CEP57L1: variants seen among roughly 807,000 people sequenced by gnomAD.
The protein encoded by CEP57L1 is centrosomal protein CEP57L1.
CEP57L1 carries 37 observed loss-of-function variants against 61.0 expected under a neutral mutation model. The observed-to-expected ratio is 0.61, with a 90% CI of 0.47 to 0.80. The LOEUF is 0.80. CEP57L1 is among the 30% of genes least tolerant of loss of function. The pLI, the probability that CEP57L1 is intolerant of heterozygous loss-of-function variation, is 0.00. For missense variants in CEP57L1, 422 were observed against 524.7 expected (o/e 0.80, Z 1.91); for synonymous variants, 137 against 162.3 (o/e 0.84, Z 1.19).
At chr6:109,123,178 A>G (rs568855984) in intron 1 of CEP57L1, among the ~76,000 whole-genome samples, 30 of 152,208 alleles carry the variant, frequency 2.0e-4, no homozygotes, top group African/African-American at 6.5e-4. Context: ...GCTGCCATCT[A>G]TGTATATTGA....
Position 109,107,105 on chromosome 6 carries a change from C to T in CEP57L1, c.-4+11530C>T, listed in dbSNP as rs116756892. Among the ~76,000 whole-genome samples, 1,264 of 152,312 alleles carry T rather than the reference C, an allele frequency of 8.3e-3. 23 individuals are homozygous for T. The highest frequency in any genetic ancestry group is 0.029 in the African/African-American group (1,213 of 41,580). On this transcript the variant is annotated intron_variant, in intron 1 of 10. Transcript: ENST00000517392. ...TCAGATACTTAAGCAATTATCAAAA[C>T]AGACCCTCAATTCTAATAAGCAGTA... is the stretch of plus-strand genomic sequence containing the variant.
intron 1 of CEP57L1, among the ~76,000 whole-genome samples, chr6:109,098,757 T>C (rs1440335455): frequency 6.6e-6 from 1 of 152,112 alleles, no homozygotes; most frequent in Non-Finnish European, 1.5e-5. Context: ...CCTCCCAAAG[T>C]GCTGAGATTA....
At chr6:109,099,754 T>TG (rs1782151773) in intron 1 of CEP57L1, among the ~76,000 whole-genome samples, 1 of 152,138 alleles carries the variant, frequency 6.6e-6, no homozygotes, top group African/African-American at 2.4e-5. Flanking sequence ...TTCACCATGT[T>TG]GGGCAGGATG....
intron 1 of CEP57L1, among the ~76,000 whole-genome samples, chr6:109,120,368 A>T (rs1772808588): frequency 1.3e-5 from 2 of 152,210 alleles, no homozygotes; most frequent in African/African-American, 4.8e-5. Flanking sequence ...CTTTTTCTGC[A>T]TTGGCTGCCA....
intron 7 of CEP57L1, 166 bp from the exon 8 acceptor site, chr6:109,158,858 CT>C: frequency 1.6e-6 from 1 of 644,390 alleles, no homozygotes; most frequent in South Asian, 2.0e-5. Flanking sequence ...TGTTGAATAT[CT>C]TTTCGTATGT....
intron 1 of CEP57L1, among the ~76,000 whole-genome samples, chr6:109,102,332 C>G (rs1320035050): frequency 6.6e-6 from 1 of 152,174 alleles, no homozygotes; most frequent in East Asian, 1.9e-4. Flanking sequence ...GTAGCTAGAA[C>G]TACAGGCATG....
At chr6:109,106,249 T>G (rs1478045743) in intron 1 of CEP57L1, among the ~76,000 whole-genome samples, 1 of 152,186 alleles carries the variant, frequency 6.6e-6, no homozygotes, top group African/African-American at 2.4e-5. Flanking sequence ...CTGTCCCTGG[T>G]ACCAAAAAGA....
chr6:109,152,527 G>A (rs894956912), intron 4 of CEP57L1, among the ~76,000 whole-genome samples: 3 of 152,090 alleles, frequency 2.0e-5, no homozygotes, highest in Non-Finnish European at 4.4e-5. Flanking sequence ...AGAAAATTGA[G>A]CAGATAGTAT....
At chr6:109,120,611 G>T (rs536027724) in intron 1 of CEP57L1, among the ~76,000 whole-genome samples, 1 of 151,762 alleles carries the variant, frequency 6.6e-6, no homozygotes, top group South Asian at 2.1e-4. Context: ...GTTAACGGGG[G>T]TTCTGTGTAA....
At chr6:109,140,311 A>G (rs527844777) in intron 1 of CEP57L1, 1 of 151,610 alleles carries the variant, frequency 6.6e-6, no homozygotes, top group East Asian at 1.9e-4. Flanking sequence ...TTACATATTA[A>G]CATTAACCCT....
rs1408325886 is a variant in CEP57L1 at position 109,168,836 on chromosome 6, T to C, written c.*5866T>C. 6.6e-6 allele frequency among the ~76,000 whole-genome samples: 1 copy of C among 151,354 alleles called. No individual in the cohort carries two copies. On this transcript the variant is annotated 3_prime_UTR_variant, in exon 11 of 11. Coordinates refer to ENST00000517392, the MANE Select transcript of CEP57L1 (RefSeq NM_001271852.3). ...GTCACGAACTCCTGAGCTCAGGCAA[T>C]CTGCCCGCCTCAGTGTCCCAAAGTG...
intron 1 of CEP57L1, among the ~76,000 whole-genome samples, chr6:109,130,150 A>T (rs975431196): frequency 6.6e-6 from 1 of 152,106 alleles, no homozygotes; most frequent in Non-Finnish European, 1.5e-5. Flanking sequence ...CCTACTACGC[A>T]TTGTTATGCA....
At chr6:109,134,275 T>C (rs759242669) in intron 1 of CEP57L1, among the ~76,000 whole-genome samples, 2 of 152,048 alleles carry the variant, frequency 1.3e-5, no homozygotes, top group African/African-American at 2.4e-5. Flanking sequence ...AATCAATAAA[T>C]GTAATCCAGC....
chr6:109,141,107 G>A (rs1446756251), intron 1 of CEP57L1, among the ~76,000 whole-genome samples: 2 of 151,298 alleles, frequency 1.3e-5, no homozygotes, highest in Non-Finnish European at 2.9e-5. Context: ...TGGGATTACA[G>A]ACATGAGCCA....
At chr6:109,107,912 G>C (rs1390861327) in intron 1 of CEP57L1, among the ~76,000 whole-genome samples, 1 of 152,032 alleles carries the variant, frequency 6.6e-6, no homozygotes, top group Non-Finnish European at 1.5e-5. Context: ...TTGCACTGCA[G>C]CTTGGGCGAC....
chr6:109,138,405 T>G (rs977928885), intron 1 of CEP57L1, among the ~76,000 whole-genome samples: 2 of 152,160 alleles, frequency 1.3e-5, no homozygotes, highest in African/African-American at 2.4e-5. Context: ...CCTGAAAGAT[T>G]CAACATGGGA....
In CEP57L1 at chr6:109,173,550, A is replaced by G. The variant is rs1774500909; in HGVS notation, c.*10580A>G. Among the ~76,000 whole-genome samples the G allele has an allele frequency of 1.3e-5, 2 of 149,812 alleles. No homozygotes were observed. The highest frequency in any genetic ancestry group is 4.2e-4 in the South Asian group (2 of 4,732). On this transcript the variant is annotated 3_prime_UTR_variant, in exon 11 of 11. Coordinates refer to ENST00000517392, the MANE Select transcript of CEP57L1 (RefSeq NM_001271852.3). ...AGCAGTCCTCCTGCCTCTGCCTCCC[A>G]AGTAGCTGGGACTACAGGTGCATGC...
At chr6:109,158,580 A>G (rs960903715) in intron 7 of CEP57L1, 3 of 454,742 alleles carry the variant, frequency 6.6e-6, no homozygotes, top group South Asian at 3.1e-5. Flanking sequence ...TTATGTGAAC[A>G]TAAGTTTTCA....
rs1330561724 is a variant in CEP57L1, at chr6:109,169,708, A to G, written c.*6738A>G. 1.3e-5 allele frequency among the ~76,000 whole-genome samples: 2 copies of G among 152,232 alleles called. No individual in the cohort carries two copies. The highest frequency in any genetic ancestry group is 2.9e-5 in the Non-Finnish European group (2 of 68,024). ...TAACCAAGCATGAGTCTTATGATTA[A>G]GAAAGAAATTTGCTCTGTAGGTGCT... On this transcript the variant is annotated 3_prime_UTR_variant, in exon 11 of 11. Coordinates refer to ENST00000517392, the MANE Select transcript of CEP57L1 (RefSeq NM_001271852.3).
Sources: gnomAD v4.1 joint callset for allele counts (sites outside exome capture counted in the v4.1 genomes callset) on GRCh38, gnomAD v4.1.1 for gene constraint, MANE v1.5 for transcripts, NCBI Gene and HGNC (gene_info 2026-07-23, HGNC 2026-07-21) for gene names.